The following CHST11 variants were observed in gnomAD, a reference collection of about 807,000 sequenced individuals.
CHST11 encodes carbohydrate sulfotransferase 11.
CHST11 carries 9 observed loss-of-function variants against 30.4 expected under a neutral mutation model. That is an observed-to-expected ratio of 0.30 (90% confidence interval 0.18 to 0.52). The LOEUF (loss-of-function observed/expected upper bound fraction) is 0.52. Among genes scored for constraint, CHST11 ranks in the 20% least tolerant of loss-of-function variants. The pLI, the probability that CHST11 is intolerant of heterozygous loss-of-function variation, is 0.97. For synonymous variants in CHST11, 152 were observed against 187.8 expected, an observed-to-expected ratio of 0.81 and a Z score of 1.56; for missense variants, 348 against 460.6, an observed-to-expected ratio of 0.76 and a Z score of 2.24.
chr12:104,675,312 G>A (rs534889143), intron 2 of CHST11, among the ~76,000 whole-genome samples: 5 of 152,230 alleles, frequency 3.3e-5, no homozygotes, highest in Admixed American at 6.5e-5. Context: ...TTATGCTCAC[G>A]TCTTGATGGC....
rs535947200 is a variant in CHST11 at position 104,456,966 on chromosome 12, C to G, written c.-446C>G. 1 of 152,904 alleles carries G rather than the reference C, an allele frequency of 6.5e-6. No individual in the cohort carries two copies. Among genetic ancestry groups the G allele is most frequent in the South Asian group, 2.1e-4 (1 of 4,832 alleles). The allele number at this position is 152,904 out of a possible 1,614,324, so 9.5% of individuals were successfully genotyped here. ...GAGTTGCATTTGGTAAAACCCAGCC[C>G]CGGAATATATAGATCGTTGGAGCGC... On this transcript the variant is annotated 5_prime_UTR_variant, in exon 1 of 3. Coordinates refer to ENST00000303694, the MANE Select transcript of CHST11 (RefSeq NM_018413.6).
chr12:104,613,085 C>T (rs1486108157), intron 2 of CHST11, among the ~76,000 whole-genome samples: 1 of 151,848 alleles, frequency 6.6e-6, no homozygotes, highest in African/African-American at 2.4e-5. Context: ...ATTAGCCAGG[C>T]ATGGTGGCAC....
intron 1 of CHST11, among the ~76,000 whole-genome samples, chr12:104,575,375 C>A (rs989820654): frequency 6.6e-6 from 1 of 152,024 alleles, no homozygotes; most frequent in Admixed American, 6.6e-5. Context: ...AGGAGCTTGC[C>A]ATTAAGGGAT....
At position 104,482,806 on chromosome 12, in the gene CHST11, G is replaced by C. The variant is rs771509609; in HGVS notation, c.118+25277G>C. Among the ~76,000 whole-genome samples the C allele has an allele frequency of 6.6e-5, 10 of 152,202 alleles. No homozygotes were observed. In the South Asian group the frequency reaches 1.2e-3, roughly 19 times the overall value. On this transcript the variant is annotated intron_variant, in intron 1 of 2. Transcript: ENST00000303694. ...CAACTCGGTCCCAACTCACTCCAGAGTCTGTGCATCCCCCCACTTAAGACT... is the reference window on the plus strand; with the variant it reads ...CAACTCGGTCCCAACTCACTCCAGACTCTGTGCATCCCCCCACTTAAGACT...
At chr12:104,606,424 T>C (rs2039005954) in intron 2 of CHST11, among the ~76,000 whole-genome samples, 1 of 152,176 alleles carries the variant, frequency 6.6e-6, no homozygotes, top group Non-Finnish European at 1.5e-5. Flanking sequence ...GTATAATACA[T>C]GCCAGTGACC....
At chr12:104,622,921 C>T (rs1213795859) in intron 2 of CHST11, among the ~76,000 whole-genome samples, 1 of 152,178 alleles carries the variant, frequency 6.6e-6, no homozygotes, top group African/African-American at 2.4e-5. Flanking sequence ...ATTGTCCATG[C>T]ATTAAGAGCC....
intron 1 of CHST11, among the ~76,000 whole-genome samples, chr12:104,525,039 A>G (rs2038110548): frequency 6.6e-6 from 1 of 152,162 alleles, no homozygotes. Context: ...GACAATCCAG[A>G]AAAAAGATCA....
Position 104,611,020 on chromosome 12 carries a change from A to AT in CHST11, c.204+9036dup, listed in dbSNP as rs571871936. On this transcript the variant is annotated intron_variant, in intron 2 of 2. Transcript: ENST00000303694. ...AAGAAACCTCCTCCAGGAAGCTCTGATTTTTTTCTTTCCCCTCCAAGCTCC... is the reference window on the plus strand; with the variant it reads ...AAGAAACCTCCTCCAGGAAGCTCTGATTTTTTTTCTTTCCCCTCCAAGCTCC... 1.6e-4 allele frequency among the ~76,000 whole-genome samples: 25 copies of AT among 152,210 alleles called. 1 individual carries two copies. In the South Asian group the frequency reaches 4.8e-3, roughly 29 times the overall value.
At chr12:104,642,562 GGC>G (rs1000784391) in intron 2 of CHST11, among the ~76,000 whole-genome samples, 5 of 151,962 alleles carry the variant, frequency 3.3e-5, no homozygotes, top group Admixed American at 3.3e-4. Flanking sequence ...CACCATGCCT[GGC>G]TAATTTTTGT....
Position 104,457,488 on chromosome 12 carries a change from T to C in CHST11, c.77T>C (p.Phe26Ser). The part of the protein sequence containing the change: ...RMVLATCLGS[F>S]ILVIFYFQSM... ...GTGCTGGCCACTTGCTTGGGATCCT[T>C]TATCCTGGTCATCTTCTATTTCCAA... Residue 26 changes from phenylalanine (F) to serine (S), a missense_variant, in exon 1 of 3, where the codon TTT (phenylalanine) becomes TCT (serine). Transcript: ENST00000303694. The C allele has an allele frequency of 6.2e-7, 1 of 1,614,108 alleles. No individual in the cohort carries two copies. The highest frequency in any genetic ancestry group is 8.5e-7 in the Non-Finnish European group (1 of 1,179,910).
chr12:104,539,025 G>A (rs930613312), intron 1 of CHST11, among the ~76,000 whole-genome samples: 9 of 152,208 alleles, frequency 5.9e-5, no homozygotes, highest in Admixed American at 5.2e-4. Flanking sequence ...GAGAGTTGTC[G>A]TGCCCAGAGA....
chr12:104,689,349 T>C (rs2039877073), intron 2 of CHST11, among the ~76,000 whole-genome samples: 1 of 152,240 alleles, frequency 6.6e-6, no homozygotes. Flanking sequence ...TGGCCAAGGA[T>C]AGGCCCAATG....
chr12:104,631,060 C>T (rs1186426900), intron 2 of CHST11, among the ~76,000 whole-genome samples: 3 of 152,154 alleles, frequency 2.0e-5, no homozygotes, highest in African/African-American at 2.4e-5. Context: ...ACGAAGTGTG[C>T]GTTTTGCTGG....
chr12:104,703,565 C>G (rs149533618), intron 2 of CHST11, among the ~76,000 whole-genome samples: 2 of 152,356 alleles, frequency 1.3e-5, no homozygotes, highest in East Asian at 3.9e-4. Flanking sequence ...CCTCTCCCAC[C>G]TGAGAACATT....
rs1024521294 is a variant in CHST11, at chr12:104,457,315, C to T, written c.-97C>T. On this transcript the variant is annotated 5_prime_UTR_variant, in exon 1 of 3. Transcript: ENST00000303694. ...CTCTGAGCCTTGCTCAGCTCTGCCC[C>T]GCGCCTCCCGGGCTCCGGTCCGCGC... 1.3e-5 allele frequency: 10 copies of T among 798,528 alleles called. No homozygotes were observed. In the Admixed American group the frequency reaches 2.0e-4, roughly 16 times the overall value. 49.5% of individuals were successfully genotyped at this position (798,528 alleles called of 1,614,324 possible). A position where few individuals can be genotyped will look rare whatever the true frequency, so the allele number is the denominator to read the frequency against.
intron 1 of CHST11, among the ~76,000 whole-genome samples, chr12:104,540,027 A>G (rs2038272377): frequency 6.6e-6 from 1 of 152,174 alleles, no homozygotes; most frequent in African/African-American, 2.4e-5. Context: ...CTCCTCCCAT[A>G]TACTTTACTC....
intron 1 of CHST11, among the ~76,000 whole-genome samples, chr12:104,501,738 G>C (rs2037855675): frequency 6.6e-6 from 1 of 152,222 alleles, no homozygotes; most frequent in Admixed American, 6.5e-5. Context: ...AGCTCCTTCA[G>C]GTCCACCCAC....
chr12:104,723,353 TGGCG>T (rs2040193271), intron 2 of CHST11, among the ~76,000 whole-genome samples: 1 of 152,058 alleles, frequency 6.6e-6, no homozygotes, highest in African/African-American at 2.4e-5. Context: ...CAGGACAGCC[TGGCG>T]GGCGGGGTGG....
Position 104,544,180 on chromosome 12 carries a change from A to AAGAAAGAC in CHST11, c.119-57723_119-57722insAAGACAGA, listed in dbSNP as rs1182750741. ...AAAGAAAGAAAGAAAGAAAGAAAGA[A>AAGAAAGAC]AGACCTGAAAAGAACTAATTAACGC... is the stretch of plus-strand genomic sequence containing the variant. On this transcript the variant is annotated intron_variant, in intron 1 of 2. Coordinates refer to ENST00000303694, the MANE Select transcript of CHST11 (RefSeq NM_018413.6). Among the ~76,000 whole-genome samples, 90 of 148,594 alleles carry AAGAAAGAC rather than the reference A, an allele frequency of 6.1e-4. 2 individuals carry two copies. The highest frequency in any genetic ancestry group is 2.2e-3 in the African/African-American group (88 of 39,686).
Sources: gnomAD v4.1 joint callset for allele counts (sites outside exome capture counted in the v4.1 genomes callset) on GRCh38, gnomAD v4.1.1 for gene constraint, MANE v1.5 for transcripts, NCBI Gene and HGNC (gene_info 2026-07-23, HGNC 2026-07-21) for gene names.